The following OPCML variants were observed in gnomAD, a reference collection of about 807,000 sequenced individuals.
The protein encoded by OPCML is opioid binding protein/cell adhesion molecule like.
In OPCML, 13 loss-of-function variants were observed where a neutral mutation model predicts 37.8. The observed-to-expected ratio is 0.34, with a 90% CI of 0.22 to 0.55. The LOEUF is 0.55. Among genes scored for constraint, OPCML ranks in the 20% least tolerant of loss-of-function variants. The pLI is 0.91. For synonymous variants in OPCML, 176 were observed against 168.8 expected, an observed-to-expected ratio of 1.04 and a Z score of -0.33; for missense variants, 341 against 435.6, an observed-to-expected ratio of 0.78 and a Z score of 1.93.
intron 4 of OPCML, among the ~76,000 whole-genome samples, chr11:132,452,798 A>T (rs1426366170): frequency 6.6e-6 from 1 of 152,168 alleles, no homozygotes; most frequent in African/African-American, 2.4e-5. Context: ...AGTCTCCCAA[A>T]ATATGACTCA....
At chr11:133,262,828 G>A (rs900262549) in intron 1 of OPCML, among the ~76,000 whole-genome samples, 2 of 151,862 alleles carry the variant, frequency 1.3e-5, no homozygotes, top group African/African-American at 4.8e-5. Flanking sequence ...GCTTGCAGGT[G>A]GATTGGCCCC....
At chr11:133,404,748 G>T (rs1945490323) in intron 1 of OPCML, among the ~76,000 whole-genome samples, 1 of 152,090 alleles carries the variant, frequency 6.6e-6, no homozygotes, top group Non-Finnish European at 1.5e-5. Flanking sequence ...CAATTCAAAG[G>T]TAAACAAATA....
chr11:133,057,724 C>A (rs565171126), intron 1 of OPCML, among the ~76,000 whole-genome samples: 1 of 152,174 alleles, frequency 6.6e-6, no homozygotes, highest in Non-Finnish European at 1.5e-5. Flanking sequence ...CTGCCCACAC[C>A]TCTGTCATCG....
intron 1 of OPCML, among the ~76,000 whole-genome samples, chr11:133,012,305 T>G (rs145378672): frequency 6.6e-6 from 1 of 152,302 alleles, no homozygotes; most frequent in Non-Finnish European, 1.5e-5. Context: ...AACTATTATT[T>G]GTGCTTATCC....
chr11:133,501,363 T>C (rs112004243), intron 1 of OPCML, among the ~76,000 whole-genome samples: 3 of 152,262 alleles, frequency 2.0e-5, no homozygotes, highest in African/African-American at 7.2e-5. Context: ...AATTAATTAA[T>C]TATAGCCCTG....
intron 1 of OPCML, among the ~76,000 whole-genome samples, chr11:133,525,572 C>T (rs562153181): frequency 3.3e-5 from 5 of 152,192 alleles, no homozygotes; most frequent in Non-Finnish European, 7.3e-5. Context: ...CTGCCTACCT[C>T]ACAGTCTCTT....
intron 2 of OPCML, among the ~76,000 whole-genome samples, chr11:132,751,343 A>T: frequency 6.6e-6 from 1 of 152,176 alleles, no homozygotes; most frequent in East Asian, 1.9e-4. Context: ...AAACACTGCC[A>T]CCAGCCCCAG....
chr11:132,863,179 G>A (rs1942379321), intron 2 of OPCML, among the ~76,000 whole-genome samples: 1 of 152,162 alleles, frequency 6.6e-6, no homozygotes, highest in African/African-American at 2.4e-5. Context: ...TGCATGGGGC[G>A]TGGCTCGGCC....
At chr11:132,992,108 C>T (rs1167760301) in intron 1 of OPCML, among the ~76,000 whole-genome samples, 1 of 151,982 alleles carries the variant, frequency 6.6e-6, no homozygotes, top group Non-Finnish European at 1.5e-5. Context: ...TTCAGAAATG[C>T]TAAGTTATCT....
At chr11:132,610,562 G>A (rs1938576652) in intron 3 of OPCML, among the ~76,000 whole-genome samples, 1 of 152,194 alleles carries the variant, frequency 6.6e-6, no homozygotes, top group Admixed American at 6.5e-5. Flanking sequence ...CTCGGTGAGA[G>A]CAACTTTTGC....
intron 1 of OPCML, among the ~76,000 whole-genome samples, chr11:132,980,022 C>T (rs1946548832): frequency 6.6e-6 from 1 of 152,038 alleles, no homozygotes; most frequent in African/African-American, 2.4e-5. Context: ...GGTTATTGCC[C>T]TTAAGGAAAT....
intron 2 of OPCML, among the ~76,000 whole-genome samples, chr11:132,818,373 T>C (rs981514777): frequency 3.1e-4 from 47 of 152,008 alleles, no homozygotes; most frequent in African/African-American, 1.1e-3. Context: ...CTGCCCTCCG[T>C]AACGTGGGTG....
chr11:132,497,416 C>CAAA (rs529329176), intron 4 of OPCML, among the ~76,000 whole-genome samples: 2 of 88,736 alleles, frequency 2.3e-5, no homozygotes, highest in Non-Finnish European at 2.5e-5. Context: ...AAAAGCTGAA[C>CAAA]AAAAAAAAAA....
chr11:132,867,826 C>T (rs1326708461), intron 2 of OPCML, among the ~76,000 whole-genome samples: 1 of 152,124 alleles, frequency 6.6e-6, no homozygotes, highest in Non-Finnish European at 1.5e-5. Flanking sequence ...GTTAGCAAGG[C>T]ATTTGGAGGT....
At chr11:132,912,453 A>G (rs772729876) in intron 2 of OPCML, among the ~76,000 whole-genome samples, 1 of 152,188 alleles carries the variant, frequency 6.6e-6, no homozygotes, top group Non-Finnish European at 1.5e-5. Context: ...TAACTTCATC[A>G]TCAACACTAA....
chr11:132,631,431 A>AAT (rs1183675031), intron 3 of OPCML, among the ~76,000 whole-genome samples: 3 of 148,176 alleles, frequency 2.0e-5, no homozygotes, highest in Admixed American at 6.8e-5. Context: ...GGTTTTAGGA[A>AAT]ATATATATAT....
At position 132,611,819 on chromosome 11, in the gene OPCML, C is replaced by A. The variant is rs551214062; in HGVS notation, c.379+45268G>T. ...CAGTAGTAATAATTCAAGGCTGGAGCAACAGCTGTTCTAATCTGCCCAGGA... is the reference window on the plus strand; with the variant it reads ...CAGTAGTAATAATTCAAGGCTGGAGAAACAGCTGTTCTAATCTGCCCAGGA... On this transcript the variant is annotated intron_variant, in intron 3 of 7. Transcript: ENST00000524381. Among the ~76,000 whole-genome samples the A allele has an allele frequency of 1.5e-3, 231 of 152,176 alleles. 1 individual carries two copies. The highest frequency in any genetic ancestry group is 2.8e-3 in the Non-Finnish European group (191 of 68,018).
chr11:132,918,528 A>G (rs1041609881), intron 2 of OPCML, among the ~76,000 whole-genome samples: 6 of 152,198 alleles, frequency 3.9e-5, no homozygotes, highest in Non-Finnish European at 8.8e-5. Context: ...TTCCTTTTTA[A>G]AAGTAAAAAT....
intron 2 of OPCML, among the ~76,000 whole-genome samples, chr11:132,860,297 AAGGCCTGGAGGGCC>A (rs1942248191): frequency 6.6e-6 from 1 of 152,236 alleles, no homozygotes; most frequent in Non-Finnish European, 1.5e-5. Context: ...ATGCAGAACA[AAGGCCTGGAGGGCC>A]AGTTTTCATC....
Sources: allele counts gnomAD v4.1 joint callset (sites outside exome capture counted in the v4.1 genomes callset), GRCh38; gene constraint gnomAD v4.1.1; transcripts MANE v1.5; gene names NCBI Gene and HGNC (gene_info 2026-07-23, HGNC 2026-07-21).